Variants in HS6ST3 observed in about 807,000 individuals in gnomAD.
HS6ST3 encodes heparan sulfate 6-O-sulfotransferase 3.
HS6ST3 carries 12 observed loss-of-function variants against 36.7 expected under a neutral mutation model. That is an observed-to-expected ratio of 0.33 (90% CI 0.21 to 0.53). HS6ST3 has a LOEUF of 0.53. Among genes scored for constraint, HS6ST3 ranks in the 20% least tolerant of loss-of-function variants. HS6ST3 has a pLI of 0.95. For missense variants in HS6ST3, 584 were observed against 640.9 expected (o/e 0.91, Z 0.96); for synonymous variants, 240 against 257.5 (o/e 0.93, Z 0.65).
chr13:96,101,382 G>A (rs1315888712), intron 1 of HS6ST3, among the ~76,000 whole-genome samples: 2 of 152,044 alleles, frequency 1.3e-5, no homozygotes. Context: ...TGTCATGTTT[G>A]AAACTATCCT....
chr13:96,108,458 T>A (rs1331429759), intron 1 of HS6ST3, among the ~76,000 whole-genome samples: 1 of 152,194 alleles, frequency 6.6e-6, no homozygotes, highest in Non-Finnish European at 1.5e-5. Flanking sequence ...TTGTGATATT[T>A]TATTGCCCTT....
intron 1 of HS6ST3, among the ~76,000 whole-genome samples, chr13:96,653,067 G>A (rs1413437859): frequency 6.6e-6 from 1 of 151,910 alleles, no homozygotes; most frequent in African/African-American, 2.4e-5. Context: ...ACTCATTTTT[G>A]CTAAACTCTT....
chr13:96,098,429 A>G (rs1015490620), intron 1 of HS6ST3, among the ~76,000 whole-genome samples: 2 of 152,188 alleles, frequency 1.3e-5, no homozygotes, highest in Non-Finnish European at 2.9e-5. Context: ...TAGGAAAAAG[A>G]CTTCAAGAGA....
At chr13:96,634,037 CCTT>C (rs2056540659) in intron 1 of HS6ST3, among the ~76,000 whole-genome samples, 1 of 152,164 alleles carries the variant, frequency 6.6e-6, no homozygotes, top group Non-Finnish European at 1.5e-5. Context: ...CTCTAACTCT[CCTT>C]CTGTCCTGTG....
In HS6ST3 at chr13:96,502,150, C is replaced by T. The variant is rs141837364; in HGVS notation, c.708-330340C>T. On this transcript the variant is annotated intron_variant, in intron 1 of 1. Transcript: ENST00000376705. ...ACCTTACTGTGTAGGTGGCACTGTT[C>T]AGTTGTCTTACTGTTCCTGACCAGA... 3.7e-4 allele frequency among the ~76,000 whole-genome samples: 57 copies of T among 152,240 alleles called. No individual in the cohort carries two copies. The East Asian group carries it at 9.5e-3, about 25-fold the overall frequency.
At chr13:96,830,989 G>A (rs1160017155) in intron 1 of HS6ST3, among the ~76,000 whole-genome samples, 1 of 152,222 alleles carries the variant, frequency 6.6e-6, no homozygotes, top group African/African-American at 2.4e-5. Context: ...TGGCTTCCCT[G>A]ACAAATGGAC....
chr13:96,464,801 T>C (rs1033687939), intron 1 of HS6ST3, among the ~76,000 whole-genome samples: 2 of 152,188 alleles, frequency 1.3e-5, no homozygotes, highest in African/African-American at 4.8e-5. Flanking sequence ...ACAGTTTTTC[T>C]AATCCAATCA....
rs1490330968 is a variant in HS6ST3, at chr13:96,568,099, C to T, written c.708-264391C>T. Among the ~76,000 whole-genome samples the T allele has an allele frequency of 6.6e-5, 10 of 152,264 alleles. 1 individual carries two copies. In the South Asian group the frequency reaches 1.7e-3, roughly 25 times the overall value. On this transcript the variant is annotated intron_variant, in intron 1 of 1. Transcript: ENST00000376705. ...GAAAAACGTGCATGTCTTATGACCT[C>T]GGAGTTAACACTACCAGGTCTCCAA...
intron 1 of HS6ST3, among the ~76,000 whole-genome samples, chr13:96,589,429 G>A (rs188701644): frequency 8.5e-4 from 129 of 151,634 alleles, no homozygotes; most frequent in Non-Finnish European, 1.7e-3. Context: ...TCTTTCTGTT[G>A]TCTTATTACA....
chr13:96,180,583 G>T (rs937918436), intron 1 of HS6ST3, among the ~76,000 whole-genome samples: 1 of 152,164 alleles, frequency 6.6e-6, no homozygotes, highest in Non-Finnish European at 1.5e-5. Flanking sequence ...CAAACAGTGA[G>T]ATTAATTGTT....
chr13:96,118,667 TATATATATATATATATATA>T (rs1566886459), intron 1 of HS6ST3, among the ~76,000 whole-genome samples: 2 of 10,224 alleles, frequency 2.0e-4, no homozygotes, highest in African/African-American at 3.7e-4. Flanking sequence ...TATATATATA[TATATATATATATATATATA>T]TATTTTTTTT....
At chr13:96,257,780 A>C (rs1039265365) in intron 1 of HS6ST3, among the ~76,000 whole-genome samples, 4 of 152,220 alleles carry the variant, frequency 2.6e-5, no homozygotes, top group Admixed American at 2.0e-4. Context: ...AGAATAAAAT[A>C]AAAGTGAGTG....
intron 1 of HS6ST3, among the ~76,000 whole-genome samples, chr13:96,160,290 C>T (rs1206957178): frequency 6.6e-6 from 1 of 152,066 alleles, no homozygotes; most frequent in Non-Finnish European, 1.5e-5. Context: ...ATATGGTTTC[C>T]CTGGGCACCT....
At chr13:96,400,180 CACACAG>C (rs1207225371) in intron 1 of HS6ST3, among the ~76,000 whole-genome samples, 1 of 151,530 alleles carries the variant, frequency 6.6e-6, no homozygotes, top group African/African-American at 2.4e-5. Flanking sequence ...CACACACACA[CACACAG>C]ACACATATAT....
chr13:96,705,076 C>G (rs1274990936), intron 1 of HS6ST3, among the ~76,000 whole-genome samples: 1 of 152,166 alleles, frequency 6.6e-6, no homozygotes, highest in African/African-American at 2.4e-5. Flanking sequence ...ATTGACATCT[C>G]CCATCACAGT....
chr13:96,631,331 A>G (rs908322095), intron 1 of HS6ST3, among the ~76,000 whole-genome samples: 5 of 152,172 alleles, frequency 3.3e-5, no homozygotes, highest in Non-Finnish European at 7.3e-5. Flanking sequence ...AAAAATAAAT[A>G]TTTAGCAGCC....
At chr13:96,490,774 G>C (rs2055940834) in intron 1 of HS6ST3, among the ~76,000 whole-genome samples, 1 of 152,142 alleles carries the variant, frequency 6.6e-6, no homozygotes, top group South Asian at 2.1e-4. Context: ...CACAGCACTT[G>C]CAGGGTAGTA....
chr13:96,830,842 C>T (rs561750761), intron 1 of HS6ST3, among the ~76,000 whole-genome samples: 1 of 152,148 alleles, frequency 6.6e-6, no homozygotes, highest in Non-Finnish European at 1.5e-5. Flanking sequence ...CTGGAGCTGG[C>T]CCCCCTCAAC....
At chr13:96,580,304 G>T (rs961272757) in intron 1 of HS6ST3, among the ~76,000 whole-genome samples, 1 of 149,998 alleles carries the variant, frequency 6.7e-6, no homozygotes, top group Non-Finnish European at 1.5e-5. Context: ...AAAGATTTCT[G>T]TATAACATTA....
Sources: allele counts gnomAD v4.1 joint callset (sites outside exome capture counted in the v4.1 genomes callset), GRCh38; gene constraint gnomAD v4.1.1; transcripts MANE v1.5; gene names NCBI Gene and HGNC (gene_info 2026-07-23, HGNC 2026-07-21).